Variants in TMEM132D observed in about 807,000 individuals in gnomAD.
TMEM132D encodes mature OL transmembrane protein.
Under a neutral mutation model 62.3 loss-of-function variants are expected in TMEM132D, and 21 were observed. That is an observed-to-expected ratio of 0.34 (90% CI 0.24 to 0.49). The LOEUF is 0.49. TMEM132D is among the 20% of genes least tolerant of loss of function. TMEM132D has a pLI of 0.99. For synonymous variants in TMEM132D, 621 were observed against 575.6 expected (o/e 1.08, Z -1.13); for missense variants, 1,346 against 1,402.8 (o/e 0.96, Z 0.65).
chr12:129,747,190 C>CCCCCCGCTCCTT, intron 1 of TMEM132D, among the ~76,000 whole-genome samples: 1 of 118,984 alleles, frequency 8.4e-6, no homozygotes, highest in Non-Finnish European at 1.8e-5. Flanking sequence ...CCTTCTCCCT[C>CCCCCCGCTCCTT]CTCCCTCTCC....
At chr12:129,815,253 A>C (rs1327796673) in intron 1 of TMEM132D, among the ~76,000 whole-genome samples, 1 of 152,222 alleles carries the variant, frequency 6.6e-6, no homozygotes, top group Non-Finnish European at 1.5e-5. Context: ...ACCACAAAAA[A>C]AAATCCACAG....
chr12:129,740,892 C>T (rs1869580275), intron 1 of TMEM132D, among the ~76,000 whole-genome samples: 1 of 152,182 alleles, frequency 6.6e-6, no homozygotes, highest in African/African-American at 2.4e-5. Flanking sequence ...TCAAGGATTT[C>T]CTGTACACAC....
At chr12:129,746,605 T>C (rs1869787237) in intron 1 of TMEM132D, among the ~76,000 whole-genome samples, 1 of 152,182 alleles carries the variant, frequency 6.6e-6, no homozygotes, top group Admixed American at 6.5e-5. Context: ...GAAATGCTAT[T>C]TTTTATACAC....
In TMEM132D at chr12:129,642,905, A is replaced by G. The variant is rs190883598; in HGVS notation, c.968+56905T>C. 9.9e-5 allele frequency among the ~76,000 whole-genome samples: 15 copies of G among 151,028 alleles called. No individual in the cohort carries two copies. In the Admixed American group the frequency reaches 1.0e-3, roughly 10 times the overall value. On this transcript the variant is annotated intron_variant, in intron 2 of 8. Coordinates refer to ENST00000422113, the MANE Select transcript of TMEM132D (RefSeq NM_133448.3). ...TGGAGAATTTCTCCAAGACACAACC[A>G]AAGAATTTACAAATCTTTTTTTTTT...
intron 5 of TMEM132D, among the ~76,000 whole-genome samples, chr12:129,141,314 T>C (rs1024989294): frequency 9.9e-5 from 15 of 152,156 alleles, no homozygotes; most frequent in African/African-American, 3.6e-4. Flanking sequence ...GGGGACACAA[T>C]TGTGAATTAG....
At chr12:129,542,662 TAC>T (rs1285094492) in intron 2 of TMEM132D, among the ~76,000 whole-genome samples, 12 of 152,166 alleles carry the variant, frequency 7.9e-5, no homozygotes, top group African/African-American at 1.9e-4. Context: ...CAACACGCTG[TAC>T]ACACAGTTAT....
intron 1 of TMEM132D, among the ~76,000 whole-genome samples, chr12:129,811,314 T>C (rs1252214679): frequency 6.6e-6 from 1 of 151,600 alleles, no homozygotes; most frequent in African/African-American, 2.4e-5. Flanking sequence ...TCCCTCCTTG[T>C]TCTACCTCCT....
chr12:129,338,063 C>T (rs1440359217), intron 3 of TMEM132D, among the ~76,000 whole-genome samples: 1 of 152,232 alleles, frequency 6.6e-6, no homozygotes, highest in African/African-American at 2.4e-5. Context: ...TGTTTGTGGG[C>T]TGCTCAGCTG....
intron 3 of TMEM132D, among the ~76,000 whole-genome samples, chr12:129,517,944 T>G (rs1042749335): frequency 1.3e-5 from 2 of 152,212 alleles, no homozygotes; most frequent in Non-Finnish European, 2.9e-5. Context: ...TATTTTAATA[T>G]ACAGCCTAAG....
chr12:129,676,550 C>A (rs1457677097), intron 2 of TMEM132D, among the ~76,000 whole-genome samples: 1 of 152,114 alleles, frequency 6.6e-6, no homozygotes, highest in Non-Finnish European at 1.5e-5. Context: ...GGGAAGGGAG[C>A]CAGTGTTTCA....
At chr12:129,508,320 T>C (rs1875400815) in intron 3 of TMEM132D, among the ~76,000 whole-genome samples, 1 of 152,164 alleles carries the variant, frequency 6.6e-6, no homozygotes, top group Admixed American at 6.5e-5. Context: ...ACTGGGAATA[T>C]TTGTGGAGAA....
chr12:129,773,451 T>A (rs1870821192), intron 1 of TMEM132D, among the ~76,000 whole-genome samples: 1 of 151,914 alleles, frequency 6.6e-6, no homozygotes, highest in African/African-American at 2.4e-5. Flanking sequence ...TTGGAGACAC[T>A]GGAGGTGAGG....
intron 4 of TMEM132D, among the ~76,000 whole-genome samples, chr12:129,282,366 A>G (rs1304843854): frequency 6.6e-6 from 1 of 152,186 alleles, no homozygotes; most frequent in African/African-American, 2.4e-5. Context: ...AGCTGAGCAC[A>G]TAAAAAAATA....
intron 1 of TMEM132D, among the ~76,000 whole-genome samples, chr12:129,770,990 G>A (rs1217372676): frequency 6.6e-6 from 1 of 152,204 alleles, no homozygotes; most frequent in Non-Finnish European, 1.5e-5. Flanking sequence ...GAGAGGCACA[G>A]GTGAAGGGAG....
Position 129,647,243 on chromosome 12 carries a change from G to GTTTTTT in TMEM132D, c.968+52561_968+52566dup, listed in dbSNP as rs57450911. On this transcript the variant is annotated intron_variant, in intron 2 of 8. Coordinates refer to ENST00000422113, the MANE Select transcript of TMEM132D (RefSeq NM_133448.3). ...TTATTTGCTGTTCCTTTGTTTTTCTGTTTTTTTTTTTTTTTTGCAATTTGT... is the reference window on the plus strand; with the variant it reads ...TTATTTGCTGTTCCTTTGTTTTTCTGTTTTTTTTTTTTTTTTTTTTTTGCAATTTGT... 1.1e-3 allele frequency among the ~76,000 whole-genome samples: 131 copies of GTTTTTT among 117,578 alleles called. 3 individuals are homozygous for GTTTTTT. Among genetic ancestry groups the GTTTTTT allele is most frequent in the South Asian group, 0.01 (35 of 3,404 alleles). The allele number at this position is 117,578 out of a possible 152,430, so 77.1% of individuals were successfully genotyped here.
chr12:129,431,388 G>T (rs1208090980), intron 3 of TMEM132D, among the ~76,000 whole-genome samples: 1 of 152,124 alleles, frequency 6.6e-6, no homozygotes, highest in Non-Finnish European at 1.5e-5. Context: ...GGGATTTATG[G>T]CAAAGACACA....
chr12:129,608,472 C>T (rs896842341), intron 2 of TMEM132D, among the ~76,000 whole-genome samples: 1 of 152,276 alleles, frequency 6.6e-6, no homozygotes, highest in Non-Finnish European at 1.5e-5. Flanking sequence ...AGAGCTTAGA[C>T]AACCAAAGCT....
intron 5 of TMEM132D, among the ~76,000 whole-genome samples, chr12:129,137,100 C>A (rs1344893400): frequency 2.0e-5 from 3 of 148,232 alleles, no homozygotes; most frequent in African/African-American, 7.4e-5. Context: ...ATCATCACCA[C>A]CATCACCACC....
intron 5 of TMEM132D, among the ~76,000 whole-genome samples, chr12:129,192,946 G>A (rs1460239454): frequency 3.9e-5 from 6 of 152,214 alleles, no homozygotes; most frequent in Non-Finnish European, 2.9e-5. Flanking sequence ...CGAGGCGGGC[G>A]GATCACGAGG....
Sources: allele counts gnomAD v4.1 joint callset (sites outside exome capture counted in the v4.1 genomes callset), GRCh38; gene constraint gnomAD v4.1.1; transcripts MANE v1.5; gene names NCBI Gene and HGNC (gene_info 2026-07-23, HGNC 2026-07-21).